NKAIN2: variants seen among roughly 807,000 people sequenced by gnomAD.
The protein encoded by NKAIN2 is sodium/potassium transporting ATPase interacting 2, also known as sodium/potassium-transporting ATPase subunit beta-1-interacting protein 2.
In NKAIN2, 14 loss-of-function variants were observed where a neutral mutation model predicts 32.6. The observed-to-expected ratio is 0.43, with a 90% CI of 0.28 to 0.67. NKAIN2 has a LOEUF of 0.67. Ranked by LOEUF, NKAIN2 falls within the 30% of genes least tolerant of loss-of-function variation. The probability of loss-of-function intolerance (pLI) is 0.17; values close to 1 mark genes in which losing one functional copy is unlikely to be tolerated. For missense variants in NKAIN2, 198 were observed against 258.3 expected, an observed-to-expected ratio of 0.77 and a Z score of 1.60; for synonymous variants, 80 against 87.2, an observed-to-expected ratio of 0.92 and a Z score of 0.46.
chr6:124,714,649 A>G (rs1210302794), intron 4 of NKAIN2, among the ~76,000 whole-genome samples: 1 of 152,232 alleles, frequency 6.6e-6, no homozygotes, highest in Non-Finnish European at 1.5e-5. Context: ...CGTCTAAAGA[A>G]GAAAGTGGTG....
intron 4 of NKAIN2, among the ~76,000 whole-genome samples, chr6:124,784,098 T>C (rs995775765): frequency 9.8e-5 from 15 of 152,286 alleles, no homozygotes; most frequent in African/African-American, 3.6e-4. Flanking sequence ...TTATAACTCA[T>C]AAATTATAAT....
Position 124,355,250 on chromosome 6 carries a change from C to T in NKAIN2, c.193-17C>T. ...TCCAAATTAATTATACGTTATTTCT[C>T]TCTTGCTTCTCTACAGTATGCTGTC... On this transcript the variant is annotated splice_polypyrimidine_tract_variant and intron_variant, in intron 2 of 6. Coordinates refer to ENST00000368417, the MANE Select transcript of NKAIN2 (RefSeq NM_001040214.3). 2 of 1,522,912 alleles carry T rather than the reference C, an allele frequency of 1.3e-6. No homozygotes were observed. Among genetic ancestry groups the T allele is most frequent in the Non-Finnish European group, 1.8e-6 (2 of 1,099,780 alleles). The allele number at this position is 1,522,912 out of a possible 1,614,324, so 94.3% of individuals were successfully genotyped here.
chr6:124,278,625 C>T (rs1240309078), intron 1 of NKAIN2, among the ~76,000 whole-genome samples: 6 of 138,158 alleles, frequency 4.3e-5, no homozygotes, highest in Non-Finnish European at 9.3e-5. Flanking sequence ...CGTACATACA[C>T]ACACAAACAC....
intron 3 of NKAIN2, among the ~76,000 whole-genome samples, chr6:124,587,295 T>A (rs924279456): frequency 4.6e-5 from 7 of 152,158 alleles, no homozygotes; most frequent in Middle Eastern, 3.4e-3. Flanking sequence ...CAGGGTGCTA[T>A]CTCGGCTCAA....
intron 1 of NKAIN2, among the ~76,000 whole-genome samples, chr6:123,987,447 C>T (rs1293801326): frequency 6.6e-6 from 1 of 152,134 alleles, no homozygotes; most frequent in Non-Finnish European, 1.5e-5. Flanking sequence ...TTAGTGTCTT[C>T]AAATACCTGT....
At chr6:124,010,181 G>C (rs1426224392) in intron 1 of NKAIN2, among the ~76,000 whole-genome samples, 1 of 152,080 alleles carries the variant, frequency 6.6e-6, no homozygotes, top group East Asian at 1.9e-4. Flanking sequence ...ATTTCTAATT[G>C]AGAGGTTGCT....
At chr6:123,930,907 T>C (rs898453787) in intron 1 of NKAIN2, among the ~76,000 whole-genome samples, 18 of 152,170 alleles carry the variant, frequency 1.2e-4, no homozygotes, top group Admixed American at 4.6e-4. Flanking sequence ...GTTATACGAT[T>C]AATAGAAATT....
chr6:124,375,389 A>G (rs1044184496), intron 3 of NKAIN2, among the ~76,000 whole-genome samples: 1 of 147,880 alleles, frequency 6.8e-6, no homozygotes, highest in Non-Finnish European at 1.5e-5. Flanking sequence ...ATATATATAT[A>G]TATGTATATA....
At chr6:124,015,857 AG>A (rs1207042295) in intron 1 of NKAIN2, among the ~76,000 whole-genome samples, 1 of 152,184 alleles carries the variant, frequency 6.6e-6, no homozygotes, top group East Asian at 1.9e-4. Flanking sequence ...CACACTGAAC[AG>A]GGTGTTTCCC....
At chr6:124,714,068 T>C (rs1775630648) in intron 4 of NKAIN2, among the ~76,000 whole-genome samples, 1 of 152,242 alleles carries the variant, frequency 6.6e-6, no homozygotes, top group South Asian at 2.1e-4. Flanking sequence ...TTTCTACCCC[T>C]ATGGGATGTA....
chr6:124,223,929 A>C (rs1791968230), intron 1 of NKAIN2, among the ~76,000 whole-genome samples: 2 of 152,194 alleles, frequency 1.3e-5, no homozygotes, highest in Admixed American at 6.5e-5. Context: ...AAAAGAATGC[A>C]GAGTGAAAAT....
chr6:124,341,918 T>A (rs1219190175), intron 2 of NKAIN2, among the ~76,000 whole-genome samples: 1 of 152,198 alleles, frequency 6.6e-6, no homozygotes, highest in Non-Finnish European at 1.5e-5. Flanking sequence ...TTTGGGCCAC[T>A]TTTGCTCTTC....
At chr6:124,216,126 A>G (rs899802021) in intron 1 of NKAIN2, among the ~76,000 whole-genome samples, 2 of 151,844 alleles carry the variant, frequency 1.3e-5, no homozygotes, top group Non-Finnish European at 2.9e-5. Context: ...TCAAAAAAAA[A>G]AAAAAAAAAA....
chr6:123,874,151 A>T (rs1354089320), intron 1 of NKAIN2, among the ~76,000 whole-genome samples: 1 of 152,096 alleles, frequency 6.6e-6, no homozygotes, highest in Non-Finnish European at 1.5e-5. Context: ...GGCTTACTGG[A>T]GACATTTTTT....
chr6:124,171,048 A>C (rs543553500), intron 1 of NKAIN2, among the ~76,000 whole-genome samples: 1 of 152,292 alleles, frequency 6.6e-6, no homozygotes, highest in African/African-American at 2.4e-5. Flanking sequence ...TTTTTTAGAA[A>C]ATTTCATTTG....
chr6:124,808,052 G>A (rs1359461951), intron 5 of NKAIN2, among the ~76,000 whole-genome samples: 7 of 151,022 alleles, frequency 4.6e-5, no homozygotes, highest in African/African-American at 1.7e-4. Context: ...TTCTACCAGA[G>A]GTACAAGGAG....
At chr6:124,273,204 A>C (rs895445087) in intron 1 of NKAIN2, among the ~76,000 whole-genome samples, 2 of 152,122 alleles carry the variant, frequency 1.3e-5, no homozygotes, top group African/African-American at 4.8e-5. Flanking sequence ...TCCCCACCCA[A>C]ATCTCATCTC....
intron 1 of NKAIN2, among the ~76,000 whole-genome samples, chr6:124,075,155 T>C (rs898557539): frequency 3.9e-5 from 6 of 152,170 alleles, no homozygotes; most frequent in Non-Finnish European, 5.9e-5. Context: ...ACTTCTGTTA[T>C]TGTCGTTAAG....
At chr6:124,511,079 G>C (rs1778692586) in intron 3 of NKAIN2, among the ~76,000 whole-genome samples, 1 of 152,012 alleles carries the variant, frequency 6.6e-6, no homozygotes, top group African/African-American at 2.4e-5. Context: ...TTTCAAATGA[G>C]TCACAACCAG....
Sources: gnomAD v4.1 joint callset for allele counts (sites outside exome capture counted in the v4.1 genomes callset) on GRCh38, gnomAD v4.1.1 for gene constraint, MANE v1.5 for transcripts, NCBI Gene and HGNC (gene_info 2026-07-23, HGNC 2026-07-21) for gene names.